FHIT: variants seen among roughly 807,000 people sequenced by gnomAD.
The protein encoded by FHIT is bis(5'-adenosyl)-triphosphatase.
FHIT carries 19 observed loss-of-function variants against 17.9 expected under a neutral mutation model. The observed-to-expected ratio is 1.06, with a 90% confidence interval of 0.74 to 1.56. The LOEUF (loss-of-function observed/expected upper bound fraction) is 1.56, where lower values mean the gene tolerates loss of function less well. Ranked by LOEUF, FHIT falls within the 40% of genes most tolerant of loss-of-function variation. The probability of loss-of-function intolerance (pLI) is 0.00; values close to 1 mark genes in which losing one functional copy is unlikely to be tolerated. For missense variants in FHIT, 248 were observed against 189.2 expected, an observed-to-expected ratio of 1.31 and a Z score of -1.82; for synonymous variants, 81 against 69.7, an observed-to-expected ratio of 1.16 and a Z score of -0.81.
At position 60,022,943 on chromosome 3, in the gene FHIT, A is replaced by G. The variant is rs550802119; in HGVS notation, c.104-8791T>C. On this transcript the variant is annotated intron_variant, in intron 5 of 9. Transcript: ENST00000492590. The stretch of plus-strand genomic sequence containing the variant: ...TATTGTTATTGTCCTAGAGATATAC[A>G]GAAGTGTCTAGAATTTAGATAATTC... 1.8e-3 allele frequency among the ~76,000 whole-genome samples: 280 copies of G among 152,354 alleles called. 5 individuals are homozygous for G. Among genetic ancestry groups the G allele is most frequent in the African/African-American group, 6.3e-3 (264 of 41,584 alleles).
chr3:60,278,649 C>T (rs1303284702), intron 5 of FHIT, among the ~76,000 whole-genome samples: 2 of 151,926 alleles, frequency 1.3e-5, no homozygotes, highest in African/African-American at 4.8e-5. Flanking sequence ...ACAGAAGCAT[C>T]TGGAACTTAA....
intron 8 of FHIT, among the ~76,000 whole-genome samples, chr3:59,854,611 T>C (rs1702077005): frequency 6.6e-6 from 1 of 152,200 alleles, no homozygotes; most frequent in South Asian, 2.1e-4. Context: ...CCAGAGCTTA[T>C]TTTATTTAAT....
At chr3:60,267,688 G>C (rs539392511) in intron 5 of FHIT, among the ~76,000 whole-genome samples, 1 of 151,930 alleles carries the variant, frequency 6.6e-6, no homozygotes, top group Non-Finnish European at 1.5e-5. Context: ...AATTCGTTTA[G>C]TAAATATTTA....
chr3:60,816,347 GC>G (rs1553737712), intron 4 of FHIT, among the ~76,000 whole-genome samples: 2 of 151,958 alleles, frequency 1.3e-5, no homozygotes. Flanking sequence ...TTCAGTTTTT[GC>G]CCATTCAGTA....
chr3:60,593,862 A>G (rs1553665277), intron 4 of FHIT, among the ~76,000 whole-genome samples: 1 of 152,058 alleles, frequency 6.6e-6, no homozygotes, highest in Non-Finnish European at 1.5e-5. Context: ...ATCAAATTCT[A>G]TTTCACAAAA....
At chr3:60,660,243 T>C (rs1008806849) in intron 4 of FHIT, among the ~76,000 whole-genome samples, 1 of 152,150 alleles carries the variant, frequency 6.6e-6, no homozygotes. Flanking sequence ...GCAACAACAA[T>C]GGCCCCTGGC....
intron 4 of FHIT, among the ~76,000 whole-genome samples, chr3:60,609,902 G>C (rs1380113867): frequency 6.6e-6 from 1 of 152,124 alleles, no homozygotes; most frequent in African/African-American, 2.4e-5. Flanking sequence ...ACAAGACTTT[G>C]TTTACAGAAG....
At chr3:59,931,852 C>T (rs1352994659) in intron 7 of FHIT, among the ~76,000 whole-genome samples, 2 of 152,036 alleles carry the variant, frequency 1.3e-5, no homozygotes, top group African/African-American at 4.8e-5. Context: ...GGGTGCCATA[C>T]ATCATCTAAG....
chr3:60,811,428 G>C (rs144004875), intron 4 of FHIT, among the ~76,000 whole-genome samples: 223 of 152,244 alleles, frequency 1.5e-3, no homozygotes, highest in African/African-American at 5.1e-3. Context: ...TGAAACTACT[G>C]TTTCCCTCTT....
intron 5 of FHIT, among the ~76,000 whole-genome samples, chr3:60,258,065 T>TATAC: frequency 6.9e-6 from 1 of 144,596 alleles, no homozygotes; most frequent in Non-Finnish European, 1.5e-5. Context: ...GGAAATTAAA[T>TATAC]ACACACACAC....
intron 5 of FHIT, among the ~76,000 whole-genome samples, chr3:60,393,790 G>A (rs1399379667): frequency 6.6e-6 from 1 of 152,018 alleles, no homozygotes; most frequent in Non-Finnish European, 1.5e-5. Flanking sequence ...ATCCCCACAT[G>A]GCAACGATTG....
At chr3:60,239,276 T>C (rs943165294) in intron 5 of FHIT, among the ~76,000 whole-genome samples, 2 of 152,196 alleles carry the variant, frequency 1.3e-5, no homozygotes, top group African/African-American at 4.8e-5. Flanking sequence ...AAGCATCTTT[T>C]TGGCTGGGAG....
intron 3 of FHIT, among the ~76,000 whole-genome samples, chr3:60,892,717 C>T (rs1308698158): frequency 2.6e-5 from 4 of 151,808 alleles, no homozygotes; most frequent in African/African-American, 9.7e-5. Context: ...CATTAAATGC[C>T]CTACAGTAGA....
chr3:61,103,630 ATCTG>A (rs1310225297), intron 2 of FHIT, among the ~76,000 whole-genome samples: 1 of 152,162 alleles, frequency 6.6e-6, no homozygotes, highest in Non-Finnish European at 1.5e-5. Context: ...CATCTCATTG[ATCTG>A]TCTAATATTG....
intron 5 of FHIT, among the ~76,000 whole-genome samples, chr3:60,295,139 A>G (rs1225725711): frequency 6.6e-6 from 1 of 152,066 alleles, no homozygotes; most frequent in Admixed American, 6.6e-5. Flanking sequence ...AGTCCCAGCT[A>G]CTCAGAAGGC....
chr3:60,258,576 A>C (rs1435621651), intron 5 of FHIT, among the ~76,000 whole-genome samples: 1 of 58,386 alleles, frequency 1.7e-5, no homozygotes, highest in Admixed American at 2.1e-4. Flanking sequence ...ATAGTAGTAT[A>C]GGGGAAAAAT....
chr3:60,484,290 A>G lies in FHIT; in HGVS notation c.103+52570T>C, dbSNP rs566454136. 1.6e-3 allele frequency among the ~76,000 whole-genome samples: 248 copies of G among 152,300 alleles called. 1 individual carries two copies. Among genetic ancestry groups the G allele is most frequent in the African/African-American group, 5.7e-3 (239 of 41,574 alleles). On this transcript the variant is annotated intron_variant, in intron 5 of 9. Coordinates refer to ENST00000492590, the MANE Select transcript of FHIT (RefSeq NM_002012.4). ...CAATGTTATTCTCAAACTACTATTGACATCCCTCACAAAATTAGAAAACAC... is the reference window on the plus strand; with the variant it reads ...CAATGTTATTCTCAAACTACTATTGGCATCCCTCACAAAATTAGAAAACAC...
At chr3:60,930,120 T>A (rs1707865131) in intron 3 of FHIT, among the ~76,000 whole-genome samples, 1 of 151,928 alleles carries the variant, frequency 6.6e-6, no homozygotes, top group East Asian at 1.9e-4. Flanking sequence ...GGGGAAAGGA[T>A]TCCCTATTTA....
chr3:60,882,949 C>A (rs1705043417), intron 3 of FHIT, among the ~76,000 whole-genome samples: 1 of 151,998 alleles, frequency 6.6e-6, no homozygotes, highest in Admixed American at 6.6e-5. Flanking sequence ...ATGACATAAT[C>A]TTAAATACAG....
Sources: allele counts gnomAD v4.1 joint callset (sites outside exome capture counted in the v4.1 genomes callset), GRCh38; gene constraint gnomAD v4.1.1; transcripts MANE v1.5; gene names NCBI Gene and HGNC (gene_info 2026-07-23, HGNC 2026-07-21).